CMTR1: variants seen among roughly 807,000 people sequenced by gnomAD.
CMTR1 encodes the protein cap-specific mRNA (nucleoside-2'-O-)-methyltransferase 1.
A neutral mutation model predicts 107.0 loss-of-function variants in CMTR1; 39 were observed. The observed-to-expected ratio is 0.36, with a 90% confidence interval of 0.28 to 0.48. The LOEUF (loss-of-function observed/expected upper bound fraction) is 0.48. CMTR1 is among the 20% of genes least tolerant of loss of function. The probability of loss-of-function intolerance (pLI) is 0.99; values close to 1 mark genes in which losing one functional copy is unlikely to be tolerated. For synonymous variants in CMTR1, 366 were observed against 379.5 expected (o/e 0.96, Z 0.41); for missense variants, 672 against 1,064.9 (o/e 0.63, Z 5.14).
At position 37,461,861 on chromosome 6, in the gene CMTR1, G is replaced by A; in HGVS notation, c.1193-109G>A. 4.0e-6 allele frequency: 5 copies of A among 1,265,604 alleles called. No individual in the cohort carries two copies. In the South Asian group the frequency reaches 6.7e-5, roughly 17 times the overall value. 78.4% of individuals were successfully genotyped at this position (1,265,604 alleles called of 1,614,324 possible). ...CTTAAATTGTCTCTGAGTTTTAACA[G>A]ACCCAGGTGCTGGTTTCCTTGACTT... On this transcript the variant is annotated intron_variant, in intron 11 of 23. Coordinates refer to ENST00000373451, the MANE Select transcript of CMTR1 (RefSeq NM_015050.3).
intron 2 of CMTR1, among the ~76,000 whole-genome samples, chr6:37,441,162 A>C (rs954479644): frequency 2.6e-5 from 4 of 152,300 alleles, no homozygotes; most frequent in South Asian, 4.2e-4. Context: ...GAAGGCATGA[A>C]AGCAACTGAG....
At position 37,462,003 on chromosome 6, in the gene CMTR1, T is replaced by A; in HGVS notation, c.1226T>A (p.Phe409Tyr). Residue 409 changes from phenylalanine (F) to tyrosine (Y), a missense_variant, in exon 12 of 24, where the codon TTC becomes TAC. This residue lies in a region of CMTR1 where 583 missense variants were observed against 968.4 expected (regional missense o/e 0.60). Coordinates refer to ENST00000373451, the MANE Select transcript of CMTR1 (RefSeq NM_015050.3). ...TTCATCTGTAAAACCTTTGACCTGT[T>A]CACACCGTTTAGTGTGGGGCTTGTC... Reference protein sequence around the residue: ...GHFICKTFDLFTPFSVGLVYL... With the variant: ...GHFICKTFDLYTPFSVGLVYL... 1 of 1,613,882 alleles carries A rather than the reference T, an allele frequency of 6.2e-7. No individual in the cohort carries two copies. Among genetic ancestry groups the A allele is most frequent in the Non-Finnish European group, 8.5e-7 (1 of 1,180,002 alleles).
chr6:37,425,099 C>A, the CMTR1 span, among the ~76,000 whole-genome samples: 3 of 151,476 alleles, frequency 2.0e-5, no homozygotes, highest in Non-Finnish European at 4.4e-5. Context: ...CAGGCACCCA[C>A]CACCCAGCTA....
the CMTR1 span, among the ~76,000 whole-genome samples, chr6:37,428,008 CAGAGAGAGAGAGAGAGAGAG>C: frequency 0.013 from 1,544 of 114,858 alleles, 18 homozygotes; most frequent in Middle Eastern, 0.041. Flanking sequence ...GCAACAGAGA[CAGAGAGAGAGAGAGAGAGAG>C]AGAGAGAGAG....
chr6:37,469,521 C>CTTTTTTTTTTTTTTTTTTTTTTTT (rs763917812), intron 13 of CMTR1, among the ~76,000 whole-genome samples: 2 of 61,594 alleles, frequency 3.2e-5, no homozygotes, highest in African/African-American at 6.8e-5. Context: ...TTGTTTTATC[C>CTTTTTTTTTTTTTTTTTTTTTTTT]TTTTTTTTTT....
At chr6:37,475,039 G>C (rs377584375) in intron 18 of CMTR1, among the ~76,000 whole-genome samples, 2 of 152,334 alleles carry the variant, frequency 1.3e-5, no homozygotes, top group African/African-American at 4.8e-5. Context: ...ACTGGCAAGG[G>C]GGGTAAGCCA....
chr6:37,475,455 G>A, intron 19 of CMTR1, 43 bp downstream of exon 19: 1 of 1,559,672 alleles, frequency 6.4e-7, no homozygotes, highest in South Asian at 1.1e-5. Context: ...GGGTAGGCCA[G>A]GGCAGCTTGG....
chr6:37,470,336 C>T (rs903747629), intron 13 of CMTR1, among the ~76,000 whole-genome samples: 9 of 152,092 alleles, frequency 5.9e-5, no homozygotes, highest in Admixed American at 1.3e-4. Flanking sequence ...TTAGTAGAGA[C>T]GGGGTTTCAC....
In CMTR1 at chr6:37,461,590, C is replaced by T. The variant is rs1562124057; in HGVS notation, c.1137C>T (p.Leu379=). 1 of 1,611,974 alleles carries T rather than the reference C, an allele frequency of 6.2e-7. No individual in the cohort carries two copies. The change falls in exon 11 of 24, where the codon CTC becomes CTT. Residue 379 remains leucine, a synonymous_variant. Coordinates refer to ENST00000373451, the MANE Select transcript of CMTR1 (RefSeq NM_015050.3). Reference sequence around the variant, plus strand: ...GGCAGGAGAACCTGCAGGAGATCCTCAGCAAGCAGCTGCTTCTGTGTCAGT... The same window carrying T: ...GGCAGGAGAACCTGCAGGAGATCCTTAGCAAGCAGCTGCTTCTGTGTCAGT... ...VEGQENLQEI[L]SKQLLLCQFL...
chr6:37,465,373 T>G (rs1365217037), intron 13 of CMTR1, among the ~76,000 whole-genome samples: 1 of 152,220 alleles, frequency 6.6e-6, no homozygotes, highest in Non-Finnish European at 1.5e-5. Context: ...TTTGTCAGCA[T>G]TTGGTATTAT....
chr6:37,479,006 G>A (rs1459612045), intron 22 of CMTR1, 141 bp from the exon 23 acceptor site: 8 of 617,580 alleles, frequency 1.3e-5, no homozygotes. Context: ...GGTGATGAAG[G>A]CTGCTGCCTC....
chr6:37,478,628 G>A, intron 22 of CMTR1, 107 bp downstream of exon 22: 1 of 839,892 alleles, frequency 1.2e-6, no homozygotes, highest in Non-Finnish European at 2.0e-6. Context: ...CCCAGCTAAG[G>A]TGGGTAGCAG....
chr6:37,445,375 G>GT (rs1771760380), intron 3 of CMTR1, among the ~76,000 whole-genome samples: 1 of 151,946 alleles, frequency 6.6e-6, no homozygotes, highest in Admixed American at 6.6e-5. Flanking sequence ...TAATCTTTGG[G>GT]TATATACCTG....
At chr6:37,468,875 T>C (rs1032662492) in intron 13 of CMTR1, among the ~76,000 whole-genome samples, 1 of 150,450 alleles carries the variant, frequency 6.6e-6, no homozygotes, top group Non-Finnish European at 1.5e-5. Flanking sequence ...AGAGTAAGAC[T>C]CCGTCTCAAA....
At chr6:37,438,297 T>C (rs755609544) in intron 2 of CMTR1, among the ~76,000 whole-genome samples, 3 of 152,066 alleles carry the variant, frequency 2.0e-5, no homozygotes, top group African/African-American at 4.8e-5. Flanking sequence ...GGAGGATCAC[T>C]TGAGCCTAGG....
At position 37,444,017 on chromosome 6, in the gene CMTR1, G is replaced by T. The variant is rs909965790; in HGVS notation, c.152G>T (p.Ser51Ile). ...HGAKASTTSL[S>I]GSDSETEGKQ... ...TTTTCAGCATCTACTACAAGCCTTA[G>T]TGGGTCTGATAGTGAGACCGAGGGG... The change falls in exon 3 of 24, where the codon AGT becomes ATT. Residue 51 changes from serine (S) to isoleucine (I), a missense_variant. Ser to Ile is a moderately radical substitution (Grantham distance 142). This residue lies in a region of CMTR1 where 89 missense variants were observed against 96.6 expected (regional missense o/e 0.92). Transcript: ENST00000373451. 2 of 1,613,942 alleles carry T rather than the reference G, an allele frequency of 1.2e-6. No homozygotes were observed. The highest frequency in any genetic ancestry group is 1.7e-6 in the Non-Finnish European group (2 of 1,180,008).
chr6:37,454,080 G>A lies in CMTR1; in HGVS notation c.777+768G>A, dbSNP rs150461574. 2.0e-5 allele frequency among the ~76,000 whole-genome samples: 3 copies of A among 152,046 alleles called. No homozygotes were observed. The East Asian group carries it at 5.8e-4, about 29-fold the overall frequency. On this transcript the variant is annotated intron_variant, in intron 8 of 23. Transcript: ENST00000373451. ...AACATAGACTCGCCATAGTGATAGA[G>A]AAAGAAAAAAAGGAAATTTCATTCT...
At chr6:37,437,091 T>C (rs1466770328) in intron 2 of CMTR1, among the ~76,000 whole-genome samples, 1 of 152,168 alleles carries the variant, frequency 6.6e-6, no homozygotes, top group African/African-American at 2.4e-5. Context: ...CAGTTGCAGC[T>C]TTGTATGTGG....
chr6:37,470,942 C>T lies in CMTR1; in HGVS notation c.1506-79C>T, dbSNP rs561064148. On this transcript the variant is annotated intron_variant, in intron 13 of 23. Transcript: ENST00000373451. ...ACCAAATATAGATGGCCACTGCTCC[C>T]GTTTAACCTCTCTGTCCTGATGTCA... 3.7e-4 allele frequency: 452 copies of T among 1,236,998 alleles called. 3 individuals are homozygous for T. In the African/African-American group the frequency reaches 4.4e-3, roughly 12 times the overall value. The allele number at this position is 1,236,998 out of a possible 1,614,324, so 76.6% of individuals were successfully genotyped here.
Sources: gnomAD v4.1 joint callset for allele counts (sites outside exome capture counted in the v4.1 genomes callset) on GRCh38, gnomAD v4.1.1 for gene constraint, gnomAD v4.1.1 regional missense constraint, MANE v1.5 for transcripts, NCBI Gene and HGNC (gene_info 2026-07-23, HGNC 2026-07-21) for gene names.